ZNF385D: variants seen among roughly 807,000 people sequenced by gnomAD.
ZNF385D encodes zinc finger protein 659.
Under a neutral mutation model 35.8 loss-of-function variants are expected in ZNF385D, and 15 were observed. The ratio of observed to expected loss-of-function variants is 0.42; its 90% confidence interval spans 0.28 to 0.64. The LOEUF (loss-of-function observed/expected upper bound fraction) is 0.64. ZNF385D is among the 30% of genes least tolerant of loss of function. The probability of loss-of-function intolerance (pLI) is 0.23; values close to 1 mark genes in which losing one functional copy is unlikely to be tolerated. For missense variants in ZNF385D, 474 were observed against 494.6 expected (o/e 0.96, Z 0.39); for synonymous variants, 212 against 186.8 (o/e 1.13, Z -1.10).
At chr3:21,596,792 A>G (rs1051214851) in intron 2 of ZNF385D, among the ~76,000 whole-genome samples, 3 of 151,846 alleles carry the variant, frequency 2.0e-5, no homozygotes, top group African/African-American at 7.3e-5. Flanking sequence ...AGTAGTTTTA[A>G]TTTCCCTTCA....
chr3:21,456,675 T>C (rs1031710163), intron 4 of ZNF385D, among the ~76,000 whole-genome samples: 9 of 152,164 alleles, frequency 5.9e-5, no homozygotes, highest in Non-Finnish European at 1.0e-4. Flanking sequence ...ACATGTCACA[T>C]GTATACATAT....
At chr3:22,116,110 T>C (rs1419680457) in intron 3 of ZNF385D, among the ~76,000 whole-genome samples, 1 of 152,052 alleles carries the variant, frequency 6.6e-6, no homozygotes, top group Non-Finnish European at 1.5e-5. Flanking sequence ...ATTTTAACCA[T>C]GCTACGGTAG....
intron 3 of ZNF385D, among the ~76,000 whole-genome samples, chr3:22,071,850 A>G (rs1417986429): frequency 6.6e-6 from 1 of 152,098 alleles, no homozygotes; most frequent in Admixed American, 6.6e-5. Context: ...TTGCTCTGCC[A>G]TCTGTGGCTG....
At chr3:21,784,402 TCTC>T (rs573037913) in intron 3 of ZNF385D, among the ~76,000 whole-genome samples, 304 of 152,298 alleles carry the variant, frequency 2.0e-3, no homozygotes, top group African/African-American at 7.0e-3. Context: ...TTGATGCACT[TCTC>T]TTTTGTGTGC....
At chr3:22,106,435 T>C (rs1396984136) in intron 3 of ZNF385D, among the ~76,000 whole-genome samples, 1 of 152,174 alleles carries the variant, frequency 6.6e-6, no homozygotes, top group Non-Finnish European at 1.5e-5. Flanking sequence ...CTCTGTCTCA[T>C]ACAATACAGA....
At chr3:21,596,415 C>G (rs1039346763) in intron 2 of ZNF385D, among the ~76,000 whole-genome samples, 1 of 152,090 alleles carries the variant, frequency 6.6e-6, no homozygotes, top group African/African-American at 2.4e-5. Context: ...AGTCTACAAG[C>G]TGAATGATAC....
At chr3:21,691,462 C>G (rs994687334) in intron 1 of ZNF385D, among the ~76,000 whole-genome samples, 1 of 152,096 alleles carries the variant, frequency 6.6e-6, no homozygotes, top group African/African-American at 2.4e-5. Flanking sequence ...CCGTCAGACA[C>G]TCCTTAAATC....
intron 3 of ZNF385D, among the ~76,000 whole-genome samples, chr3:22,127,838 C>CT (rs1703527427): frequency 6.6e-6 from 1 of 152,002 alleles, no homozygotes; most frequent in South Asian, 2.1e-4. Flanking sequence ...CTGTTTATAT[C>CT]ATACTATACT....
intron 3 of ZNF385D, among the ~76,000 whole-genome samples, chr3:21,940,168 G>C (rs1024882368): frequency 2.6e-5 from 4 of 151,980 alleles, no homozygotes; most frequent in African/African-American, 9.7e-5. Context: ...GAACTATGAC[G>C]GTGTCTACTG....
At chr3:21,868,121 A>G (rs1697471522) in intron 3 of ZNF385D, among the ~76,000 whole-genome samples, 1 of 152,082 alleles carries the variant, frequency 6.6e-6, no homozygotes, top group Non-Finnish European at 1.5e-5. Context: ...TCATTTCACT[A>G]TCATGAGCAG....
intron 4 of ZNF385D, among the ~76,000 whole-genome samples, chr3:21,448,849 A>G (rs1702292785): frequency 9.9e-6 from 1 of 100,986 alleles, no homozygotes; most frequent in Non-Finnish European, 2.0e-5. Flanking sequence ...ATTCCAAACT[A>G]CAGCAAACTG....
At chr3:21,900,637 A>C (rs1373714203) in intron 3 of ZNF385D, among the ~76,000 whole-genome samples, 1 of 152,328 alleles carries the variant, frequency 6.6e-6, no homozygotes, top group African/African-American at 2.4e-5. Flanking sequence ...GACAGACTAT[A>C]GTATGGACTT....
intron 1 of ZNF385D, among the ~76,000 whole-genome samples, chr3:21,727,479 A>AG (rs2068815836): frequency 6.6e-6 from 1 of 152,234 alleles, no homozygotes. Flanking sequence ...ATTTACAAGA[A>AG]AAAAACAACC....
chr3:22,090,492 T>C (rs1701272141), intron 3 of ZNF385D, among the ~76,000 whole-genome samples: 1 of 151,974 alleles, frequency 6.6e-6, no homozygotes, highest in African/African-American at 2.4e-5. Context: ...TGAGTGACCC[T>C]GAGCTCTTAC....
At chr3:21,442,798 A>G (rs1575152982) in intron 4 of ZNF385D, among the ~76,000 whole-genome samples, 2 of 151,696 alleles carry the variant, frequency 1.3e-5, no homozygotes, top group African/African-American at 4.8e-5. Flanking sequence ...AGAGGCTGGG[A>G]GTTCATAAGT....
chr3:22,069,769 T>A lies in ZNF385D; in HGVS notation c.325+99048A>T, dbSNP rs111458575. Among the ~76,000 whole-genome samples the A allele has an allele frequency of 4.1e-3, 623 of 152,272 alleles. 2 individuals carry two copies. Among genetic ancestry groups the A allele is most frequent in the Non-Finnish European group, 5.4e-3 (370 of 68,018 alleles). On this transcript the variant is annotated intron_variant, in intron 3 of 5. Transcript: ENST00000494108. ...TCAGTGATAAGTCAACTGGGACTCC[T>A]CCACATGGCCCTATTGCTTTTCTTC...
chr3:21,874,787 TTTAA>T, intron 3 of ZNF385D, among the ~76,000 whole-genome samples: 1 of 152,222 alleles, frequency 6.6e-6, no homozygotes, highest in South Asian at 2.1e-4. Flanking sequence ...TTATTGAGAT[TTTAA>T]TTGAGATTGC....
intron 3 of ZNF385D, among the ~76,000 whole-genome samples, chr3:21,908,164 A>ATCTATCTATCTATCTC (rs1553696894): frequency 2.0e-5 from 3 of 148,820 alleles, no homozygotes; most frequent in East Asian, 2.0e-4. Flanking sequence ...CTATCTATCT[A>ATCTATCTATCTATCTC]TCTATCTATA....
intron 3 of ZNF385D, among the ~76,000 whole-genome samples, chr3:22,155,594 A>G (rs1453637231): frequency 1.3e-5 from 2 of 152,108 alleles, no homozygotes; most frequent in African/African-American, 4.8e-5. Flanking sequence ...CTGAGCACAC[A>G]TAACACATAT....
Sources: gnomAD v4.1 joint callset for allele counts (sites outside exome capture counted in the v4.1 genomes callset) on GRCh38, gnomAD v4.1.1 for gene constraint, MANE v1.5 for transcripts, NCBI Gene and HGNC (gene_info 2026-07-23, HGNC 2026-07-21) for gene names.